The following RCOR3 variants were observed in gnomAD, a reference collection of about 807,000 sequenced individuals.
RCOR3 encodes REST corepressor 3.
RCOR3 carries 13 observed loss-of-function variants against 64.1 expected under a neutral mutation model. The ratio of observed to expected loss-of-function variants is 0.20; its 90% confidence interval spans 0.13 to 0.32. The LOEUF is 0.32. RCOR3 is among the 10% of genes least tolerant of loss of function. The pLI is 1.00. For missense variants in RCOR3, 489 were observed against 701.2 expected (o/e 0.70, Z 3.42); for synonymous variants, 215 against 239.0 (o/e 0.90, Z 0.93).
At chr1:211,294,791 A>G (rs1036311679) in intron 8 of RCOR3, among the ~76,000 whole-genome samples, 9 of 151,890 alleles carry the variant, frequency 5.9e-5, no homozygotes, top group African/African-American at 2.2e-4. Context: ...GGGTTTCACC[A>G]TGTTAGCCAG....
chr1:211,304,065 T>G lies in RCOR3; in HGVS notation c.1018-18T>G. 1.3e-6 allele frequency: 2 copies of G among 1,583,668 alleles called. No individual in the cohort carries two copies. The highest frequency in any genetic ancestry group is 1.7e-6 in the Non-Finnish European group (2 of 1,166,912). The stretch of plus-strand genomic sequence containing the variant: ...TGTCTTCATATCCTCATTAGGAAAC[T>G]TCTCTTTAATTTTGTAGTCAAATCA... On this transcript the variant is annotated intron_variant, in intron 9 of 11. Transcript: ENST00000419091.
At chr1:211,294,241 A>G (rs1442181591) in intron 8 of RCOR3, among the ~76,000 whole-genome samples, 1 of 152,210 alleles carries the variant, frequency 6.6e-6, no homozygotes, top group Non-Finnish European at 1.5e-5. Context: ...AATTCACTGT[A>G]TGTTATGAAC....
intron 10 of RCOR3, among the ~76,000 whole-genome samples, chr1:211,307,851 A>G (rs1466896389): frequency 1.3e-5 from 2 of 151,682 alleles, no homozygotes; most frequent in African/African-American, 2.4e-5. Flanking sequence ...ATATTTAGTT[A>G]TTTTTTATAA....
intron 4 of RCOR3, among the ~76,000 whole-genome samples, chr1:211,275,163 A>G (rs1355267570): frequency 6.6e-6 from 1 of 151,928 alleles, no homozygotes; most frequent in Non-Finnish European, 1.5e-5. Context: ...TATTATTTCA[A>G]CCTTTATCAG....
At chr1:211,295,652 A>G in intron 8 of RCOR3, 24 bp from the exon 9 acceptor site, 4 of 1,604,048 alleles carry the variant, frequency 2.5e-6, no homozygotes, top group Non-Finnish European at 3.4e-6. Flanking sequence ...GATCTGATTC[A>G]CATTTGGGGT....
At chr1:211,276,686 T>C (rs1017404370) in intron 5 of RCOR3, among the ~76,000 whole-genome samples, 2 of 152,218 alleles carry the variant, frequency 1.3e-5, no homozygotes, top group African/African-American at 4.8e-5. Context: ...GTATGTTTAT[T>C]GTTCCAGGAA....
At chr1:211,264,448 G>A (rs1055000548) in intron 2 of RCOR3, among the ~76,000 whole-genome samples, 6 of 152,196 alleles carry the variant, frequency 3.9e-5, no homozygotes, top group Non-Finnish European at 5.9e-5. Flanking sequence ...TTGGGAGGCT[G>A]AGGTGAGAGG....
Position 211,313,906 on chromosome 1 carries a change from T to A in RCOR3, c.*138T>A. 1 of 810,142 alleles carries A rather than the reference T, an allele frequency of 1.2e-6. No homozygotes were observed. Among genetic ancestry groups the A allele is most frequent in the Non-Finnish European group, 1.9e-6 (1 of 528,992 alleles). The allele number at this position is 810,142 out of a possible 1,614,324, so 50.2% of individuals were successfully genotyped here. Reference sequence around the variant, plus strand: ...CTAGTTCTGTGGCAGTGGACTAGCATAAGTGGATGTCTAAGAAATTTTTCA... The same window carrying A: ...CTAGTTCTGTGGCAGTGGACTAGCAAAAGTGGATGTCTAAGAAATTTTTCA... On this transcript the variant is annotated 3_prime_UTR_variant, in exon 12 of 12. Transcript: ENST00000419091. This position sits in a 1 kb window ranked among gnomAD's most constrained non-coding sequence, Gnocchi z 4.7.
At chr1:211,301,165 T>C (rs1008108558) in intron 9 of RCOR3, among the ~76,000 whole-genome samples, 3 of 152,190 alleles carry the variant, frequency 2.0e-5, no homozygotes, top group South Asian at 4.1e-4. Flanking sequence ...TGTTTTTTCT[T>C]ATAAAAATTT....
rs904812551 is a variant in RCOR3 at position 211,271,368 on chromosome 1, A to G, written c.301+59A>G. 40 of 1,363,264 alleles carry G rather than the reference A, an allele frequency of 2.9e-5. No homozygotes were observed. The African/African-American group carries it at 5.0e-4, about 17-fold the overall frequency. 84.4% of individuals were successfully genotyped at this position (1,363,264 alleles called of 1,614,324 possible). ...AGGAGTTTATCAGCCAATTCAAAATATGACTTACGTTTGTTTTTGGGTCTT... is the reference window on the plus strand; with the variant it reads ...AGGAGTTTATCAGCCAATTCAAAATGTGACTTACGTTTGTTTTTGGGTCTT... On this transcript the variant is annotated intron_variant, in intron 3 of 11. Coordinates refer to ENST00000419091, the MANE Select transcript of RCOR3 (RefSeq NM_001136223.3).
chr1:211,289,918 G>A (rs1465733772), intron 8 of RCOR3, among the ~76,000 whole-genome samples: 1 of 152,140 alleles, frequency 6.6e-6, no homozygotes, highest in Non-Finnish European at 1.5e-5. Flanking sequence ...ATCTCTTCCT[G>A]TGTAACCTTA....
intron 7 of RCOR3, among the ~76,000 whole-genome samples, chr1:211,288,618 A>G (rs1284539530): frequency 2.7e-5 from 4 of 148,476 alleles, no homozygotes; most frequent in Non-Finnish European, 6.0e-5. Context: ...TTATTTAATC[A>G]TAGATTTGGA....
intron 7 of RCOR3, among the ~76,000 whole-genome samples, chr1:211,286,867 C>A (rs1698618726): frequency 1.3e-5 from 2 of 152,134 alleles, no homozygotes; most frequent in South Asian, 4.1e-4. Context: ...TTCTATTTTG[C>A]CCACCCTTCT....
intron 4 of RCOR3, among the ~76,000 whole-genome samples, chr1:211,275,842 A>C (rs1022476508): frequency 6.6e-6 from 1 of 152,204 alleles, no homozygotes; most frequent in Non-Finnish European, 1.5e-5. Flanking sequence ...CTAAACCCCA[A>C]CTGAGCATTT....
chr1:211,278,727 G>C (rs1385021186), intron 6 of RCOR3, among the ~76,000 whole-genome samples: 1 of 152,044 alleles, frequency 6.6e-6, no homozygotes, highest in African/African-American at 2.4e-5. Context: ...AGAAGTGTTT[G>C]CTAAAAGAAT....
At chr1:211,274,890 C>T (rs1255199238) in intron 4 of RCOR3, among the ~76,000 whole-genome samples, 1 of 151,710 alleles carries the variant, frequency 6.6e-6, no homozygotes, top group Admixed American at 6.6e-5. Context: ...GATCTATTGG[C>T]TACCCACAGA....
intron 7 of RCOR3, among the ~76,000 whole-genome samples, chr1:211,280,597 G>A (rs560719892): frequency 6.6e-6 from 1 of 152,120 alleles, no homozygotes; most frequent in South Asian, 2.1e-4. Context: ...CCATCCCTTC[G>A]TATCTACTCT....
At chr1:211,274,597 T>C (rs1366094000) in intron 4 of RCOR3, among the ~76,000 whole-genome samples, 4 of 152,076 alleles carry the variant, frequency 2.6e-5, no homozygotes, top group African/African-American at 9.7e-5. Flanking sequence ...TAAGTGTACA[T>C]AGATAGAACT....
At chr1:211,299,234 A>G (rs1700141520) in intron 9 of RCOR3, among the ~76,000 whole-genome samples, 1 of 152,162 alleles carries the variant, frequency 6.6e-6, no homozygotes, top group African/African-American at 2.4e-5. Context: ...AGGGTTGGGT[A>G]TTAGTTATAG....
Sources: gnomAD v4.1 joint callset for allele counts (sites outside exome capture counted in the v4.1 genomes callset) on GRCh38, gnomAD v4.1.1 for gene constraint, Gnocchi (gnomAD v3.1) non-coding constraint, MANE v1.5 for transcripts, NCBI Gene and HGNC (gene_info 2026-07-23, HGNC 2026-07-21) for gene names.